The following SLIT3 variants were observed in gnomAD, a reference collection of about 807,000 sequenced individuals.
The protein encoded by SLIT3 is slit guidance ligand 3.
A neutral mutation model predicts 184.0 loss-of-function variants in SLIT3; 68 were observed. The observed-to-expected ratio is 0.37, with a 90% CI of 0.30 to 0.45. The LOEUF (loss-of-function observed/expected upper bound fraction) is 0.45. Among genes scored for constraint, SLIT3 ranks in the 20% least tolerant of loss-of-function variants. SLIT3 has a pLI of 1.00. For synonymous variants in SLIT3, 831 were observed against 828.6 expected, an observed-to-expected ratio of 1.00 and a Z score of -0.05; for missense variants, 1,707 against 2,026.0, an observed-to-expected ratio of 0.84 and a Z score of 3.02.
At chr5:169,182,697 C>A (rs997938865) in intron 4 of SLIT3, among the ~76,000 whole-genome samples, 1 of 152,204 alleles carries the variant, frequency 6.6e-6, no homozygotes, top group African/African-American at 2.4e-5. Context: ...ATCTTTCAGA[C>A]AACTGAAGAA....
chr5:169,008,699 G>A (rs140475760), intron 4 of SLIT3, among the ~76,000 whole-genome samples: 53 of 152,178 alleles, frequency 3.5e-4, no homozygotes, highest in South Asian at 2.3e-3. Flanking sequence ...CAGGGTCTCC[G>A]TATGTTGCCC....
At chr5:169,180,180 C>A (rs893800965) in intron 4 of SLIT3, among the ~76,000 whole-genome samples, 1 of 152,080 alleles carries the variant, frequency 6.6e-6, no homozygotes, top group Non-Finnish European at 1.5e-5. Context: ...AAGGATCTGG[C>A]CACACTGACA....
rs573800841 is a variant in SLIT3, at chr5:168,874,964, A to G, written c.485+8301T>C. Among the ~76,000 whole-genome samples the G allele has an allele frequency of 3.3e-5, 5 of 152,272 alleles. No individual in the cohort carries two copies. In the South Asian group the frequency reaches 1.0e-3, roughly 32 times the overall value. On this transcript the variant is annotated intron_variant, in intron 5 of 35. Transcript: ENST00000519560. ...ACTAGAGCAGGACCGTGTCTTAGTCATCTTTCTTAAGATTTGCTTCAGGTC... is the reference window on the plus strand; with the variant it reads ...ACTAGAGCAGGACCGTGTCTTAGTCGTCTTTCTTAAGATTTGCTTCAGGTC...
At position 169,300,842 on chromosome 5, in the gene SLIT3, G is replaced by A. The variant is rs1452417860; in HGVS notation, c.-133C>T. 15 of 926,580 alleles carry A rather than the reference G, an allele frequency of 1.6e-5. No individual in the cohort carries two copies. Among genetic ancestry groups the A allele is most frequent in the Non-Finnish European group, 2.1e-5 (15 of 720,526 alleles). The allele number at this position is 926,580 out of a possible 1,614,324, so 57.4% of individuals were successfully genotyped here. A position where few individuals can be genotyped will look rare whatever the true frequency, so the allele number is the denominator to read the frequency against. On this transcript the variant is annotated 5_prime_UTR_variant, in exon 1 of 36. Coordinates refer to ENST00000519560, the MANE Select transcript of SLIT3 (RefSeq NM_003062.4). This position sits in a 1 kb window ranked among gnomAD's most constrained non-coding sequence, Gnocchi z 4.1. ...GTTAGCGCGGAGGAGGGGCGAGCTCGGTGCTCAGGCGCACGGGGCGCGGGC... is the reference window on the plus strand; with the variant it reads ...GTTAGCGCGGAGGAGGGGCGAGCTCAGTGCTCAGGCGCACGGGGCGCGGGC...
chr5:168,738,498 G>A lies in SLIT3; in HGVS notation c.2270+9804C>T, dbSNP rs911627259. Among the ~76,000 whole-genome samples, 13 of 152,340 alleles carry A rather than the reference G, an allele frequency of 8.5e-5. No individual in the cohort carries two copies. In the East Asian group the frequency reaches 2.3e-3, roughly 27 times the overall value. ...TAGAGAAAAGTACCTGTGTAATTGA[G>A]TTGCAAGCTGAACTAGCTGGCTTTT... On this transcript the variant is annotated intron_variant, in intron 20 of 35. Coordinates refer to ENST00000519560, the MANE Select transcript of SLIT3 (RefSeq NM_003062.4).
chr5:168,913,157 G>A (rs1022982731), intron 4 of SLIT3, among the ~76,000 whole-genome samples: 13 of 152,124 alleles, frequency 8.5e-5, no homozygotes, highest in African/African-American at 2.9e-4. Context: ...CTAGGTTGGT[G>A]CAAAACTAAT....
At chr5:169,001,782 G>C (rs1755709369) in intron 4 of SLIT3, among the ~76,000 whole-genome samples, 1 of 152,072 alleles carries the variant, frequency 6.6e-6, no homozygotes, top group Non-Finnish European at 1.5e-5. Flanking sequence ...CAAAAGAAAA[G>C]TTTTAGACTC....
At chr5:168,691,494 C>A (rs62377320) in intron 29 of SLIT3, among the ~76,000 whole-genome samples, 4,452 of 152,300 alleles carry the variant, frequency 0.029, 71 homozygotes, top group Non-Finnish European at 0.042. Context: ...CCATCAAGAC[C>A]TAGAGCATGA....
intron 6 of SLIT3, among the ~76,000 whole-genome samples, chr5:168,826,306 G>A (rs763994023): frequency 2.6e-5 from 4 of 152,162 alleles, no homozygotes; most frequent in Admixed American, 6.5e-5. Context: ...GCCAGCCCGG[G>A]GATGTCAGAG....
At chr5:168,831,041 AGGG>A (rs1757864050) in intron 6 of SLIT3, among the ~76,000 whole-genome samples, 1 of 114,068 alleles carries the variant, frequency 8.8e-6, no homozygotes, top group Non-Finnish European at 2.1e-5. Flanking sequence ...ACAGACAGTG[AGGG>A]AAGCAGGAGA....
At chr5:169,039,882 A>G (rs1205945873) in intron 4 of SLIT3, among the ~76,000 whole-genome samples, 1 of 152,254 alleles carries the variant, frequency 6.6e-6, no homozygotes, top group African/African-American at 2.4e-5. Context: ...CAAGCGCCTC[A>G]GGGCACAATA....
chr5:169,007,275 G>A (rs1755970702), intron 4 of SLIT3, among the ~76,000 whole-genome samples: 1 of 152,160 alleles, frequency 6.6e-6, no homozygotes, highest in South Asian at 2.1e-4. Flanking sequence ...CCCAGTCTCA[G>A]GTATGTCTTT....
chr5:168,904,436 GC>G (rs1456947625), intron 4 of SLIT3, among the ~76,000 whole-genome samples: 1 of 151,824 alleles, frequency 6.6e-6, no homozygotes. Flanking sequence ...AAATATCAAA[GC>G]CTCTGACTCT....
intron 4 of SLIT3, among the ~76,000 whole-genome samples, chr5:169,157,552 C>A (rs1455853354): frequency 1.3e-5 from 2 of 152,144 alleles, no homozygotes; most frequent in South Asian, 4.1e-4. Context: ...CAATGCAATG[C>A]CTCCCCTTCC....
rs267600541 is a variant in SLIT3, at chr5:168,722,297, G to A, written c.2442C>T (p.Ile814=). The change falls in exon 23 of 36, where the codon ATC becomes ATT. Residue 814 remains isoleucine (I), a synonymous_variant. Transcript: ENST00000519560. ...GCAGCCCGTTGAAGGCGTGGACGGG[G>A]ATGCACCTCAGCCGGTTGTAGCTCA... ...LILSYNRLRC[I]PVHAFNGLRS... The A allele has an allele frequency of 1.2e-6, 2 of 1,614,146 alleles. No homozygotes were observed. Among genetic ancestry groups the A allele is most frequent in the African/African-American group, 1.3e-5 (1 of 75,028 alleles).
intron 4 of SLIT3, among the ~76,000 whole-genome samples, chr5:169,057,652 G>A (rs535486614): frequency 6.6e-6 from 1 of 152,302 alleles, no homozygotes; most frequent in East Asian, 1.9e-4. Context: ...GGCCGAATGT[G>A]GAAGGGCAGA....
chr5:169,038,996 C>G (rs988518998), intron 4 of SLIT3, among the ~76,000 whole-genome samples: 23 of 152,178 alleles, frequency 1.5e-4, no homozygotes, highest in African/African-American at 5.3e-4. Flanking sequence ...TGACCCCCTT[C>G]TTCTGCTGGG....
At chr5:169,198,023 A>G (rs1318647835) in intron 3 of SLIT3, among the ~76,000 whole-genome samples, 1 of 152,216 alleles carries the variant, frequency 6.6e-6, no homozygotes, top group Non-Finnish European at 1.5e-5. Context: ...CTGTTCATTT[A>G]TCTGTACATC....
chr5:168,671,401 C>G lies in SLIT3; in HGVS notation c.3924G>C (p.Glu1308Asp). ...PLGGFHGCIH[E>D]VRINNELQDF... is the part of the protein sequence containing the mutation. ...CCTGCAGCTCGTTGTTGATGCGCAC[C>G]TCATGGATGCATCCGTGGAAGCCGC... Residue 1308 changes from glutamate to aspartate, a missense_variant, in exon 34 of 36, where the codon GAG (glutamate) becomes GAC (aspartate). Transcript: ENST00000519560. The G allele has an allele frequency of 6.2e-7, 1 of 1,614,116 alleles. No homozygotes were observed.
Sources: allele counts gnomAD v4.1 joint callset (sites outside exome capture counted in the v4.1 genomes callset), GRCh38; gene constraint gnomAD v4.1.1; non-coding constraint Gnocchi (gnomAD v3.1); transcripts MANE v1.5; gene names NCBI Gene and HGNC (gene_info 2026-07-23, HGNC 2026-07-21).